Variants in BICD1 observed in about 807,000 individuals in gnomAD.
BICD1 encodes BICD cargo adaptor 1, also known as protein bicaudal D homolog 1.
Under a neutral mutation model 92.5 loss-of-function variants are expected in BICD1, and 35 were observed. The ratio of observed to expected loss-of-function variants is 0.38; its 90% confidence interval spans 0.29 to 0.50. BICD1 has a LOEUF of 0.50. Among genes scored for constraint, BICD1 ranks in the 20% least tolerant of loss-of-function variants. The probability of loss-of-function intolerance (pLI) is 0.93; values close to 1 mark genes in which losing one functional copy is unlikely to be tolerated. For missense variants in BICD1, 950 were observed against 1,189.8 expected (o/e 0.80, Z 2.97); for synonymous variants, 429 against 465.1 (o/e 0.92, Z 1.00).
chr12:32,316,383 T>C (rs1358648471), intron 4 of BICD1, among the ~76,000 whole-genome samples: 1 of 151,668 alleles, frequency 6.6e-6, no homozygotes, highest in African/African-American at 2.4e-5. Context: ...CTCCACCTCC[T>C]GGGTTCAAGC....
chr12:32,329,316 C>T (rs541052056), intron 5 of BICD1, among the ~76,000 whole-genome samples: 18 of 152,078 alleles, frequency 1.2e-4, no homozygotes, highest in African/African-American at 3.6e-4. Flanking sequence ...AGGCTGGTCT[C>T]GAACTCCTGA....
At chr12:32,151,047 A>C (rs1943272543) in intron 1 of BICD1, among the ~76,000 whole-genome samples, 1 of 152,222 alleles carries the variant, frequency 6.6e-6, no homozygotes, top group Non-Finnish European at 1.5e-5. Flanking sequence ...TCTTCTGTGT[A>C]GGCATCAAAA....
intron 8 of BICD1, chr12:32,339,206 G>A (rs1013081317): frequency 7.9e-7 from 1 of 1,264,606 alleles, no homozygotes; most frequent in Non-Finnish European, 9.9e-7. Flanking sequence ...TGGCAAATGA[G>A]AGTTGGAAGG....
chr12:32,116,508 CTCTATATATA>C (rs1941917258), intron 1 of BICD1, among the ~76,000 whole-genome samples: 3 of 94,216 alleles, frequency 3.2e-5, no homozygotes, highest in African/African-American at 1.3e-4. Context: ...CTCTCTCTCT[CTCTATATATA>C]TATATATATA....
rs60536204 is a variant in BICD1 at position 32,223,516 on chromosome 12, C to CAAAA, written c.426+7074_426+7077dup. ...TGAGTAACAGAAAGAGACTTTGTCT[C>CAAAA]AAAAAAAAAAAAAAAAAAAAGAATC... On this transcript the variant is annotated intron_variant, in intron 2 of 9. Coordinates refer to ENST00000652176, the MANE Select transcript of BICD1 (RefSeq NM_001714.4). Among the ~76,000 whole-genome samples, 132 of 103,362 alleles carry CAAAA rather than the reference C, an allele frequency of 1.3e-3. 3 individuals carry two copies. Among genetic ancestry groups the CAAAA allele is most frequent in the East Asian group, 3.5e-3 (14 of 3,998 alleles). The allele number at this position is 103,362 out of a possible 152,430, so 67.8% of individuals were successfully genotyped here. A position where few individuals can be genotyped will look rare whatever the true frequency, so the allele number is the denominator to read the frequency against.
intron 2 of BICD1, among the ~76,000 whole-genome samples, chr12:32,272,285 G>A (rs1263140169): frequency 6.6e-6 from 1 of 152,144 alleles, no homozygotes; most frequent in African/African-American, 2.4e-5. Flanking sequence ...TTTGGTTACA[G>A]GGAGAAGGCC....
At chr12:32,294,478 G>A (rs781229787) in intron 3 of BICD1, among the ~76,000 whole-genome samples, 11 of 151,830 alleles carry the variant, frequency 7.2e-5, no homozygotes, top group Admixed American at 1.3e-4. Flanking sequence ...AGTCTTAGCC[G>A]GGCATGGTGG....
chr12:32,246,799 CA>C (rs1402136639), intron 2 of BICD1, among the ~76,000 whole-genome samples: 1 of 152,126 alleles, frequency 6.6e-6, no homozygotes, highest in African/African-American at 2.4e-5. Flanking sequence ...AAAAACAAGA[CA>C]AAACCCTTGC....
At chr12:32,163,530 A>G (rs887686872) in intron 1 of BICD1, among the ~76,000 whole-genome samples, 6 of 152,140 alleles carry the variant, frequency 3.9e-5, no homozygotes, top group African/African-American at 1.2e-4. Context: ...GGAAGACATT[A>G]TGTATTCAGT....
chr12:32,293,979 ACT>A lies in BICD1; in HGVS notation c.427-12_427-11del. ...TAAGAGAGTTATATATTGACTGTTT[ACT>A]CTGTTGTTTCAGAACAATGAGATGG... On this transcript the variant is annotated splice_polypyrimidine_tract_variant and intron_variant, in intron 2 of 9. Coordinates refer to ENST00000652176, the MANE Select transcript of BICD1 (RefSeq NM_001714.4). 1 of 1,609,746 alleles carries A rather than the reference ACT, an allele frequency of 6.2e-7. No individual in the cohort carries two copies. The highest frequency in any genetic ancestry group is 8.5e-7 in the Non-Finnish European group (1 of 1,178,462).
chr12:32,368,793 T>C (rs560363587), intron 9 of BICD1, among the ~76,000 whole-genome samples: 2 of 152,264 alleles, frequency 1.3e-5, no homozygotes, highest in Admixed American at 1.3e-4. Context: ...CTCATGCTGG[T>C]AATCTCAGCA....
chr12:32,261,582 T>C (rs1946861445), intron 2 of BICD1, among the ~76,000 whole-genome samples: 1 of 152,226 alleles, frequency 6.6e-6, no homozygotes, highest in South Asian at 2.1e-4. Context: ...AGGAAAACCG[T>C]ATTGTCATAT....
intron 1 of BICD1, among the ~76,000 whole-genome samples, chr12:32,168,811 A>C (rs551365966): frequency 1.3e-5 from 2 of 152,280 alleles, no homozygotes; most frequent in African/African-American, 4.8e-5. Context: ...TAATACAAAA[A>C]TTAGCCAGGT....
chr12:32,200,084 C>G (rs1329813008), intron 1 of BICD1, among the ~76,000 whole-genome samples: 9 of 152,240 alleles, frequency 5.9e-5, no homozygotes, highest in East Asian at 5.8e-4. Flanking sequence ...CACTGGTGCT[C>G]CAGCTATTAT....
intron 1 of BICD1, chr12:32,107,900 A>G: frequency 3.4e-6 from 2 of 582,612 alleles, no homozygotes; most frequent in African/African-American, 3.7e-5. Context: ...GGTTTCAGCG[A>G]CAATTTCGTA....
At position 32,226,331 on chromosome 12, in the gene BICD1, C is replaced by T. The variant is rs1368328399; in HGVS notation, c.426+9872C>T. Reference sequence around the variant, plus strand: ...TGTATTTTTAGTAGAGACAGGGTTTCACCATGTTGGTCAGCTGGTCTCAAA... The same window carrying T: ...TGTATTTTTAGTAGAGACAGGGTTTTACCATGTTGGTCAGCTGGTCTCAAA... On this transcript the variant is annotated intron_variant, in intron 2 of 9. Coordinates refer to ENST00000652176, the MANE Select transcript of BICD1 (RefSeq NM_001714.4). Among the ~76,000 whole-genome samples the T allele has an allele frequency of 2.0e-5, 3 of 151,952 alleles. No individual in the cohort carries two copies. In the East Asian group the frequency reaches 5.8e-4, roughly 29 times the overall value.
intron 2 of BICD1, among the ~76,000 whole-genome samples, chr12:32,235,702 CTTTTTTTT>C (rs112596407): frequency 7.4e-6 from 1 of 135,066 alleles, no homozygotes; most frequent in Non-Finnish European, 1.6e-5. Context: ...TTTTTCTTTT[CTTTTTTTT>C]TTTTTTTTTA....
At chr12:32,141,064 G>A (rs1942905499) in intron 1 of BICD1, among the ~76,000 whole-genome samples, 1 of 152,180 alleles carries the variant, frequency 6.6e-6, no homozygotes, top group African/African-American at 2.4e-5. Context: ...AACCCTTCGA[G>A]GGCATATAAG....
intron 8 of BICD1, among the ~76,000 whole-genome samples, chr12:32,354,415 A>G (rs1939018884): frequency 6.6e-6 from 1 of 152,180 alleles, no homozygotes; most frequent in Admixed American, 6.5e-5. Flanking sequence ...TGCATTGTCT[A>G]TATTGAAATT....
Sources: gnomAD v4.1 joint callset for allele counts (sites outside exome capture counted in the v4.1 genomes callset) on GRCh38, gnomAD v4.1.1 for gene constraint, MANE v1.5 for transcripts, NCBI Gene and HGNC (gene_info 2026-07-23, HGNC 2026-07-21) for gene names.